The following SPIDR variants were observed in gnomAD, a reference collection of about 807,000 sequenced individuals.
The protein encoded by SPIDR is DNA repair-scaffolding protein.
Under a neutral mutation model 104.6 loss-of-function variants are expected in SPIDR, and 93 were observed. The observed-to-expected ratio is 0.89, with a 90% CI of 0.75 to 1.06. SPIDR has a LOEUF of 1.06. Ranked by LOEUF, SPIDR falls within the 50% of genes least tolerant of loss-of-function variation. The probability of loss-of-function intolerance (pLI) is 0.00; values close to 1 mark genes in which losing one functional copy is unlikely to be tolerated. For missense variants in SPIDR, 1,154 were observed against 1,111.2 expected, an observed-to-expected ratio of 1.04 and a Z score of -0.55; for synonymous variants, 431 against 416.9, an observed-to-expected ratio of 1.03 and a Z score of -0.41.
At chr8:47,437,433 T>C (rs573021987) in intron 7 of SPIDR, among the ~76,000 whole-genome samples, 211 of 152,254 alleles carry the variant, frequency 1.4e-3, no homozygotes, top group Non-Finnish European at 2.5e-3. Flanking sequence ...TCATCATTTT[T>C]TATGGCTGCA....
chr8:47,297,668 T>C (rs1298987350), intron 5 of SPIDR, among the ~76,000 whole-genome samples: 1 of 152,090 alleles, frequency 6.6e-6, no homozygotes, highest in Non-Finnish European at 1.5e-5. Flanking sequence ...CCATCTGTTC[T>C]CATTGTTCAC....
At chr8:47,713,810 G>A (rs2082195426) in intron 16 of SPIDR, among the ~76,000 whole-genome samples, 169 bp downstream of exon 16, 1 of 152,188 alleles carries the variant, frequency 6.6e-6, no homozygotes, top group Non-Finnish European at 1.5e-5. Flanking sequence ...ACTCGAGTCT[G>A]CACAGAAAGA....
At chr8:47,691,290 C>CAAA (rs60147394) in intron 11 of SPIDR, among the ~76,000 whole-genome samples, 8 of 86,570 alleles carry the variant, frequency 9.2e-5, no homozygotes, top group African/African-American at 1.4e-4. Flanking sequence ...GACTCCGTCT[C>CAAA]AAAAAAAAAA....
intron 8 of SPIDR, among the ~76,000 whole-genome samples, chr8:47,504,691 TTTGGAGGAGGAGAGGCAC>T (rs1418835402): frequency 6.6e-6 from 1 of 152,252 alleles, no homozygotes; most frequent in Non-Finnish European, 1.5e-5. Context: ...GCTGTGTTCC[TTTGGAGGAGGAGAGGCAC>T]TCTGATTTTT....
intron 10 of SPIDR, among the ~76,000 whole-genome samples, chr8:47,630,031 A>G (rs1160569592): frequency 1.3e-5 from 2 of 152,252 alleles, no homozygotes; most frequent in African/African-American, 4.8e-5. Context: ...TGCTGAATGT[A>G]TTCATATGTT....
intron 5 of SPIDR, among the ~76,000 whole-genome samples, chr8:47,380,686 C>G (rs1327026032): frequency 1.3e-5 from 2 of 152,152 alleles, no homozygotes; most frequent in Non-Finnish European, 2.9e-5. Context: ...TGAGCTGCAG[C>G]TGAGGTTGGA....
chr8:47,552,767 G>T (rs2090740143), intron 8 of SPIDR, among the ~76,000 whole-genome samples: 1 of 152,110 alleles, frequency 6.6e-6, no homozygotes, highest in African/African-American at 2.4e-5. Context: ...TACATTTAAG[G>T]TTAATATTGT....
At position 47,706,947 on chromosome 8, in the gene SPIDR, G is replaced by A. The variant is rs933864750; in HGVS notation, c.1977+4932G>A. ...ACCTTGGCCAACATAGTGAGACTCC[G>A]TCTCTATTTAAATTTTGTTTTTAGG... is the stretch of plus-strand genomic sequence containing the variant. On this transcript the variant is annotated intron_variant, in intron 14 of 19. Coordinates refer to ENST00000297423, the MANE Select transcript of SPIDR (RefSeq NM_001080394.4). Among the ~76,000 whole-genome samples the A allele has an allele frequency of 5.3e-5, 8 of 151,598 alleles. No homozygotes were observed. The East Asian group carries it at 7.8e-4, about 15-fold the overall frequency.
At chr8:47,294,093 T>C in intron 5 of SPIDR, 63 bp downstream of exon 5, 1 of 879,174 alleles carries the variant, frequency 1.1e-6, no homozygotes, top group Middle Eastern at 3.0e-4. Context: ...ATAGTTGTCA[T>C]TTTTTTTTTT....
intron 8 of SPIDR, chr8:47,512,035 G>A (rs181889480): frequency 8.2e-5 from 59 of 717,340 alleles, no homozygotes; most frequent in African/African-American, 1.2e-4. Flanking sequence ...GCTCGCTAGC[G>A]CAATCTGCAA....
intron 10 of SPIDR, among the ~76,000 whole-genome samples, chr8:47,628,922 C>G (rs1304876076): frequency 2.0e-5 from 3 of 152,220 alleles, no homozygotes; most frequent in Admixed American, 6.5e-5. Flanking sequence ...CTTTCTGGAT[C>G]AGTCTCATTG....
chr8:47,459,831 G>A (rs1433355786), intron 8 of SPIDR, among the ~76,000 whole-genome samples: 2 of 152,044 alleles, frequency 1.3e-5, no homozygotes, highest in African/African-American at 4.8e-5. Context: ...TTGATAGGTT[G>A]TGTCACTATT....
intron 14 of SPIDR, among the ~76,000 whole-genome samples, chr8:47,708,703 C>T (rs2081421752): frequency 6.6e-6 from 1 of 152,180 alleles, no homozygotes; most frequent in African/African-American, 2.4e-5. Flanking sequence ...CCCTGGCAAA[C>T]ATTCTTATTT....
chr8:47,605,950 G>T (rs2062885120), intron 10 of SPIDR, among the ~76,000 whole-genome samples: 5 of 152,200 alleles, frequency 3.3e-5, no homozygotes, highest in Admixed American at 2.0e-4. Flanking sequence ...GAGGAAGCTT[G>T]CTTGAAGGTG....
chr8:47,496,528 T>C (rs2079464819), intron 8 of SPIDR, among the ~76,000 whole-genome samples: 1 of 152,172 alleles, frequency 6.6e-6, no homozygotes, highest in Non-Finnish European at 1.5e-5. Flanking sequence ...CAACCTATGA[T>C]TCGTGGTATA....
At chr8:47,522,405 C>T (rs2084306102) in intron 8 of SPIDR, among the ~76,000 whole-genome samples, 2 of 152,120 alleles carry the variant, frequency 1.3e-5, no homozygotes, top group South Asian at 2.1e-4. Flanking sequence ...AAGAAAATAA[C>T]TGTTTTAAAA....
intron 8 of SPIDR, among the ~76,000 whole-genome samples, chr8:47,449,248 G>A (rs2071254488): frequency 6.6e-6 from 1 of 152,174 alleles, no homozygotes. Context: ...GCAAACAAGT[G>A]AATGATCATG....
intron 5 of SPIDR, among the ~76,000 whole-genome samples, chr8:47,312,821 C>A (rs1488823744): frequency 6.6e-6 from 1 of 152,082 alleles, no homozygotes; most frequent in Non-Finnish European, 1.5e-5. Flanking sequence ...AATGGTATTG[C>A]CTAGGTTTTC....
chr8:47,340,433 C>T (rs954055751), intron 5 of SPIDR, among the ~76,000 whole-genome samples: 3 of 151,976 alleles, frequency 2.0e-5, no homozygotes, highest in East Asian at 1.9e-4. Context: ...GGCGAAACCC[C>T]GTCTCTACTA....
Sources: allele counts gnomAD v4.1 joint callset (sites outside exome capture counted in the v4.1 genomes callset), GRCh38; gene constraint gnomAD v4.1.1; transcripts MANE v1.5; gene names NCBI Gene and HGNC (gene_info 2026-07-23, HGNC 2026-07-21).